The following NME8 variants were observed in gnomAD, a reference collection of about 807,000 sequenced individuals.
NME8 encodes the protein NME/NM23 family member 8.
In NME8, 72 loss-of-function variants were observed where a neutral mutation model predicts 82.3. That is an observed-to-expected ratio of 0.87 (90% CI 0.72 to 1.06). The LOEUF (loss-of-function observed/expected upper bound fraction) is 1.06. Ranked by LOEUF, NME8 falls within the 50% of genes least tolerant of loss-of-function variation. The pLI, the probability that NME8 is intolerant of heterozygous loss-of-function variation, is 0.00. For missense variants in NME8, 712 were observed against 685.4 expected, an observed-to-expected ratio of 1.04 and a Z score of -0.43; for synonymous variants, 267 against 228.5, an observed-to-expected ratio of 1.17 and a Z score of -1.52.
chr7:37,865,643 C>A (rs747339772), intron 10 of NME8, 26 bp downstream of exon 10: 10 of 1,498,404 alleles, frequency 6.7e-6, no homozygotes, highest in Non-Finnish European at 9.3e-6. Context: ...AGAAAAAATC[C>A]TCTATGTGTT....
Position 37,871,949 on chromosome 7 carries a change from C to T in NME8, c.818+4051C>T, listed in dbSNP as rs186185386. Among the ~76,000 whole-genome samples the T allele has an allele frequency of 2.8e-3, 427 of 152,092 alleles. 1 individual carries two copies. The highest frequency in any genetic ancestry group is 5.0e-3 in the Admixed American group (76 of 15,274). ...CATCTGCAAAGCTTTCTTTCCTCTC[C>T]ATAGTCAAAGGGAAGCTTAACTGAT... On this transcript the variant is annotated intron_variant, in intron 11 of 17. Transcript: ENST00000199447.
At chr7:37,863,746 C>T (rs1784633170) in intron 8 of NME8, among the ~76,000 whole-genome samples, 1 of 152,166 alleles carries the variant, frequency 6.6e-6, no homozygotes, top group Non-Finnish European at 1.5e-5. Context: ...CCTATTTCAT[C>T]CTTCATCATC....
At chr7:37,893,527 G>C (rs1419495080) in intron 15 of NME8, among the ~76,000 whole-genome samples, 2 of 152,130 alleles carry the variant, frequency 1.3e-5, no homozygotes, top group East Asian at 1.9e-4. Flanking sequence ...CTCTGCACTT[G>C]GCATACATTA....
At chr7:37,882,601 G>GGGAA (rs1784973540) in intron 12 of NME8, among the ~76,000 whole-genome samples, 1 of 35,932 alleles carries the variant, frequency 2.8e-5, no homozygotes, top group East Asian at 6.3e-4. Context: ...GAAAGAAAGA[G>GGGAA]AGAGAGAGAG....
intron 10 of NME8, among the ~76,000 whole-genome samples, chr7:37,866,880 A>G (rs1202223787): frequency 6.6e-6 from 1 of 152,104 alleles, no homozygotes; most frequent in Non-Finnish European, 1.5e-5. Context: ...TAATACGTAC[A>G]TTGGTTCTTC....
chr7:37,869,889 G>A (rs188454433), intron 11 of NME8, among the ~76,000 whole-genome samples: 49 of 152,144 alleles, frequency 3.2e-4, no homozygotes, highest in African/African-American at 1.0e-3. Flanking sequence ...CAGCACTCCC[G>A]GCCAGCAGTC....
At chr7:37,893,461 A>G (rs1043223032) in intron 15 of NME8, among the ~76,000 whole-genome samples, 1 of 152,148 alleles carries the variant, frequency 6.6e-6, no homozygotes, top group Non-Finnish European at 1.5e-5. Flanking sequence ...TCCTTCTTCT[A>G]CTTACTTGGC....
intron 7 of NME8, among the ~76,000 whole-genome samples, chr7:37,862,598 C>A (rs1212032265): frequency 6.6e-6 from 1 of 151,690 alleles, no homozygotes; most frequent in East Asian, 1.9e-4. Flanking sequence ...ATTAAAAAAT[C>A]TGGTACTTTG....
Position 37,876,912 on chromosome 7 carries a change from T to C in NME8, c.899T>C (p.Met300Thr). The change falls in exon 12 of 18, where the codon ATG becomes ACG. Residue 300 changes from methionine (M) to threonine (T), a missense_variant. Physicochemically the swap from Met to Thr is moderately conservative, Grantham distance 81 (BLOSUM62 -1). Coordinates refer to ENST00000199447, the MANE Select transcript of NME8 (RefSeq NM_016616.5). Reference sequence around the variant, plus strand: ...GATGCAGCTAATGTTGCTAAGTTCATGGATGCTTTCTTCCCCGATTTTAAA... The same window carrying C: ...GATGCAGCTAATGTTGCTAAGTTCACGGATGCTTTCTTCCCCGATTTTAAA... ...EEDAANVAKF[M>T]DAFFPDFKKM... 1 of 1,612,892 alleles carries C rather than the reference T, an allele frequency of 6.2e-7. No individual in the cohort carries two copies. The highest frequency in any genetic ancestry group is 8.5e-7 in the Non-Finnish European group (1 of 1,179,174).
chr7:37,861,213 G>A (rs913202768), intron 6 of NME8, among the ~76,000 whole-genome samples: 5 of 152,138 alleles, frequency 3.3e-5, no homozygotes, highest in African/African-American at 4.8e-5. Context: ...ACCAGGCTGC[G>A]CACAGTTTGG....
At chr7:37,885,393 G>T in intron 14 of NME8, 141 bp downstream of exon 14, 1 of 686,848 alleles carries the variant, frequency 1.5e-6, no homozygotes, top group Non-Finnish European at 2.6e-6. Context: ...GGAGTGGACT[G>T]CTTATGACTG....
intron 11 of NME8, among the ~76,000 whole-genome samples, chr7:37,876,054 A>T (rs749850641): frequency 4.0e-5 from 6 of 151,768 alleles, no homozygotes; most frequent in Non-Finnish European, 5.9e-5. Flanking sequence ...AAAATACAAA[A>T]AAAATATTAG....
At chr7:37,857,904 A>T (rs1784536387) in intron 6 of NME8, among the ~76,000 whole-genome samples, 1 of 152,206 alleles carries the variant, frequency 6.6e-6, no homozygotes, top group Non-Finnish European at 1.5e-5. Flanking sequence ...CAACTTTAAT[A>T]ATCAGACAGA....
intron 15 of NME8, among the ~76,000 whole-genome samples, chr7:37,892,814 G>A (rs1785150855): frequency 3.3e-5 from 5 of 151,960 alleles, no homozygotes; most frequent in African/African-American, 1.2e-4. Flanking sequence ...TTTTTTTAAT[G>A]TTCAAACTGC....
Position 37,848,739 on chromosome 7 carries a change from T to C in NME8, c.-241+11T>C, listed in dbSNP as rs915103144. On this transcript the variant is annotated intron_variant, in intron 1 of 17. Coordinates refer to ENST00000199447, the MANE Select transcript of NME8 (RefSeq NM_016616.5). Reference sequence around the variant, plus strand: ...GTCCCCACTGCCCAGGTATAGCTGCTGTCTGGAGCAGGGGCCTCGAGACGC... The same window carrying C: ...GTCCCCACTGCCCAGGTATAGCTGCCGTCTGGAGCAGGGGCCTCGAGACGC... 1 of 152,302 alleles carries C rather than the reference T, an allele frequency of 6.6e-6. No homozygotes were observed. The highest frequency in any genetic ancestry group is 6.5e-5 in the Admixed American group (1 of 15,284). 9.4% of individuals were successfully genotyped at this position (152,302 alleles called of 1,614,324 possible).
rs3816417 is a variant in NME8, at chr7:37,864,497, G to A, written c.528+76G>A. Reference sequence around the variant, plus strand: ...CTTAATCGTCAGTTCAAAGACAAGCGTACCATTTAGAGTGAAATAGAACAA... The same window carrying A: ...CTTAATCGTCAGTTCAAAGACAAGCATACCATTTAGAGTGAAATAGAACAA... On this transcript the variant is annotated intron_variant, in intron 9 of 17. Transcript: ENST00000199447. The A allele has an allele frequency of 0.59, 796,794 of 1,356,340 alleles. 240,251 individuals are homozygous for A. Among genetic ancestry groups the A allele is most frequent in the South Asian group, 0.62 (49,231 of 79,038 alleles). 84.0% of individuals were successfully genotyped at this position (1,356,340 alleles called of 1,614,324 possible).
intron 17 of NME8, among the ~76,000 whole-genome samples, chr7:37,898,838 C>A (rs919832319): frequency 9.2e-5 from 14 of 152,040 alleles, no homozygotes; most frequent in Non-Finnish European, 1.0e-4. Context: ...GATTTGTATA[C>A]TCAAATGGTT....
intron 16 of NME8, among the ~76,000 whole-genome samples, chr7:37,895,334 G>A (rs1785207907): frequency 6.6e-6 from 1 of 151,926 alleles, no homozygotes; most frequent in Admixed American, 6.6e-5. Flanking sequence ...TTAATTCCAG[G>A]CCTTGTGATG....
chr7:37,859,420 AC>A (rs1205955790), intron 6 of NME8, among the ~76,000 whole-genome samples: 1 of 152,130 alleles, frequency 6.6e-6, no homozygotes, highest in Non-Finnish European at 1.5e-5. Flanking sequence ...AAGATTTTTG[AC>A]CATGGCTCTG....
Sources: gnomAD v4.1 joint callset for allele counts (sites outside exome capture counted in the v4.1 genomes callset) on GRCh38, gnomAD v4.1.1 for gene constraint, MANE v1.5 for transcripts, NCBI Gene and HGNC (gene_info 2026-07-23, HGNC 2026-07-21) for gene names.